Variants in ABLIM2 observed in about 807,000 individuals in gnomAD.
ABLIM2 encodes the protein actin binding LIM protein family member 2.
A neutral mutation model predicts 97.7 loss-of-function variants in ABLIM2; 53 were observed. That is an observed-to-expected ratio of 0.54 (90% CI 0.44 to 0.68). ABLIM2 has a LOEUF of 0.68. Ranked by LOEUF, ABLIM2 falls within the 30% of genes least tolerant of loss-of-function variation. The probability of loss-of-function intolerance (pLI) is 0.00; values close to 1 mark genes in which losing one functional copy is unlikely to be tolerated. For synonymous variants in ABLIM2, 361 were observed against 345.8 expected, an observed-to-expected ratio of 1.04 and a Z score of -0.49; for missense variants, 835 against 867.2, an observed-to-expected ratio of 0.96 and a Z score of 0.47.
At position 8,130,084 on chromosome 4, in the gene ABLIM2, G is replaced by A. The variant is rs1004408866; in HGVS notation, c.11-23447C>T. Among the ~76,000 whole-genome samples, 4 of 152,204 alleles carry A rather than the reference G, an allele frequency of 2.6e-5. No individual in the cohort carries two copies. The highest frequency in any genetic ancestry group is 1.5e-5 in the Non-Finnish European group (1 of 68,030). On this transcript the variant is annotated intron_variant, in intron 1 of 20. Transcript: ENST00000447017. The surrounding 1 kb of genome is among the most constrained non-coding windows in gnomAD (Gnocchi z 4.2). ...AGATTCCCCTGGCCTCCAGCCTGCT[G>A]TTCACCCCTAAGCATCTAGTTTATT...
rs879286681 is a variant in ABLIM2, at chr4:7,998,634, C to T, written c.1619-5707G>A. On this transcript the variant is annotated intron_variant, in intron 16 of 20. Coordinates refer to ENST00000447017, the MANE Select transcript of ABLIM2 (RefSeq NM_001130083.2). This position sits in a 1 kb window ranked among gnomAD's most constrained non-coding sequence, Gnocchi z 6.4. Reference sequence around the variant, plus strand: ...ACCTGCCCATCTGCTAGTGTGGCTGCAGGAGGAAAACACCTGCCTCGTCAC... The same window carrying T: ...ACCTGCCCATCTGCTAGTGTGGCTGTAGGAGGAAAACACCTGCCTCGTCAC... 1.2e-5 allele frequency: 6 copies of T among 507,832 alleles called. No individual in the cohort carries two copies. The highest frequency in any genetic ancestry group is 5.6e-5 in the East Asian group (1 of 17,822). 31.5% of individuals were successfully genotyped at this position (507,832 alleles called of 1,614,324 possible).
intron 20 of ABLIM2, among the ~76,000 whole-genome samples, chr4:7,977,364 A>C (rs994867009): frequency 6.6e-6 from 1 of 152,078 alleles, no homozygotes; most frequent in African/African-American, 2.4e-5. Flanking sequence ...GAATACACAC[A>C]CATACCCACA....
rs1430197617 is a variant in ABLIM2, at chr4:7,970,413, C to T, written c.1825-3310G>A. On this transcript the variant is annotated intron_variant, in intron 20 of 20. Coordinates refer to ENST00000447017, the MANE Select transcript of ABLIM2 (RefSeq NM_001130083.2). This position sits in a 1 kb window ranked among gnomAD's most constrained non-coding sequence, Gnocchi z 5.3. ...AATCGTGTACTTAAAGGGAGGAGGA[C>T]TGGTGAGTGAGTGGTCTCTTGGGTT... 6.6e-6 allele frequency among the ~76,000 whole-genome samples: 1 copy of T among 151,968 alleles called. No homozygotes were observed. Among genetic ancestry groups the T allele is most frequent in the Non-Finnish European group, 1.5e-5 (1 of 67,992 alleles).
rs1014357218 is a variant in ABLIM2, at chr4:8,087,593, A to C, written c.454+576T>G. Among the ~76,000 whole-genome samples the C allele has an allele frequency of 2.6e-5, 4 of 152,154 alleles. No individual in the cohort carries two copies. The highest frequency in any genetic ancestry group is 9.7e-5 in the African/African-American group (4 of 41,422). Reference sequence around the variant, plus strand: ...TAACAGAGGGGAGCTGAGGGGAGTGAATGCCAGAGGGAGAGGACCTGAAGG... The same window carrying C: ...TAACAGAGGGGAGCTGAGGGGAGTGCATGCCAGAGGGAGAGGACCTGAAGG... On this transcript the variant is annotated intron_variant, in intron 4 of 20. Coordinates refer to ENST00000447017, the MANE Select transcript of ABLIM2 (RefSeq NM_001130083.2). The surrounding 1 kb of genome is among the most constrained non-coding windows in gnomAD (Gnocchi z 4.6).
Position 8,040,337 on chromosome 4 carries a change from G to A in ABLIM2, c.901-4042C>T, listed in dbSNP as rs185380094. ...GAGATAAAAAGCAGGGTGGCCAGGC[G>A]CAGTGGCTCACACCTGTACCCCCAG... is the stretch of plus-strand genomic sequence containing the variant. On this transcript the variant is annotated intron_variant, in intron 9 of 20. Transcript: ENST00000447017. Among the ~76,000 whole-genome samples the A allele has an allele frequency of 7.0e-4, 107 of 152,256 alleles. 1 individual carries two copies. The highest frequency in any genetic ancestry group is 2.3e-3 in the African/African-American group (94 of 41,570).
At chr4:8,029,585 C>CAAA (rs1491231540) in intron 11 of ABLIM2, 71 bp downstream of exon 11, 9 of 910,274 alleles carry the variant, frequency 9.9e-6, no homozygotes, top group South Asian at 9.3e-5. Context: ...AAAAAAAAAA[C>CAAA]TAAAAAAAAA....
intron 1 of ABLIM2, among the ~76,000 whole-genome samples, chr4:8,136,822 G>T (rs958142338): frequency 2.0e-5 from 3 of 152,264 alleles, no homozygotes; most frequent in African/African-American, 7.2e-5. Context: ...AGAGCACACA[G>T]CGGGGCCTCC....
chr4:8,014,353 C>T (rs1431090722), intron 14 of ABLIM2, among the ~76,000 whole-genome samples: 5 of 152,274 alleles, frequency 3.3e-5, no homozygotes, highest in South Asian at 2.1e-4. Context: ...GTCTTCCAGA[C>T]TTAGCCTCTA....
intron 1 of ABLIM2, among the ~76,000 whole-genome samples, chr4:8,126,789 G>A (rs1023452583): frequency 4.6e-5 from 7 of 152,004 alleles, no homozygotes; most frequent in African/African-American, 7.2e-5. Flanking sequence ...CCAGATGGCC[G>A]GGCGTGTGGC....
chr4:8,004,729 A>G lies in ABLIM2; in HGVS notation c.1618+3330T>C, dbSNP rs113074581. On this transcript the variant is annotated intron_variant, in intron 16 of 20. Coordinates refer to ENST00000447017, the MANE Select transcript of ABLIM2 (RefSeq NM_001130083.2). This position sits in a 1 kb window ranked among gnomAD's most constrained non-coding sequence, Gnocchi z 5.9. ...CTTGTTCTAGAAAACTTCCTATAAC[A>G]TAAAATCAATAGCCTCCCTTCCTGT... Among the ~76,000 whole-genome samples, 46 of 152,346 alleles carry G rather than the reference A, an allele frequency of 3.0e-4. No homozygotes were observed. Among genetic ancestry groups the G allele is most frequent in the African/African-American group, 1.0e-3 (43 of 41,580 alleles).
At chr4:7,973,270 G>T (rs1361395576) in intron 20 of ABLIM2, among the ~76,000 whole-genome samples, 1 of 152,040 alleles carries the variant, frequency 6.6e-6, no homozygotes, top group South Asian at 2.1e-4. Flanking sequence ...CAGCAGTTTG[G>T]GGGGCTGAGA....
rs933155631 is a variant in ABLIM2, at chr4:7,998,637, G to A, written c.1619-5710C>T. 3.9e-6 allele frequency: 2 copies of A among 509,062 alleles called. No homozygotes were observed. The highest frequency in any genetic ancestry group is 1.9e-5 in the African/African-American group (1 of 51,754). The allele number at this position is 509,062 out of a possible 1,614,324, so 31.5% of individuals were successfully genotyped here. ...TGCCCATCTGCTAGTGTGGCTGCAGGAGGAAAACACCTGCCTCGTCACCTT... is the reference window on the plus strand; with the variant it reads ...TGCCCATCTGCTAGTGTGGCTGCAGAAGGAAAACACCTGCCTCGTCACCTT... On this transcript the variant is annotated intron_variant, in intron 16 of 20. Transcript: ENST00000447017. The surrounding 1 kb of genome is among the most constrained non-coding windows in gnomAD (Gnocchi z 6.4).
At chr4:8,037,783 C>A (rs966954483) in intron 9 of ABLIM2, among the ~76,000 whole-genome samples, 8 of 152,262 alleles carry the variant, frequency 5.3e-5, no homozygotes, top group African/African-American at 1.7e-4. Flanking sequence ...GTCGGGGGCC[C>A]TTCTGTCCTG....
chr4:8,145,243 G>C (rs1851602740), intron 1 of ABLIM2, among the ~76,000 whole-genome samples: 2 of 151,886 alleles, frequency 1.3e-5, no homozygotes, highest in South Asian at 4.2e-4. Flanking sequence ...GAGTGCAGTG[G>C]CATGATCTCA....
intron 4 of ABLIM2, among the ~76,000 whole-genome samples, chr4:8,081,121 A>C (rs1819552838): frequency 6.6e-6 from 1 of 152,062 alleles, no homozygotes; most frequent in African/African-American, 2.4e-5. Flanking sequence ...ACCGAGACGT[A>C]CCAGGTTGAA....
Position 8,071,989 on chromosome 4 carries a change from G to A in ABLIM2, c.675+5639C>T, listed in dbSNP as rs575077465. ...GCGGCGGCGGCAGCTCCCCTTCTGC[G>A]GAGCCAGGCTTGTCCCCGCCCGCAG... On this transcript the variant is annotated intron_variant, in intron 6 of 20. Coordinates refer to ENST00000447017, the MANE Select transcript of ABLIM2 (RefSeq NM_001130083.2). This position sits in a 1 kb window ranked among gnomAD's most constrained non-coding sequence, Gnocchi z 6.2. 4.3e-5 allele frequency: 42 copies of A among 985,484 alleles called. 2 individuals carry two copies. The South Asian group carries it at 1.6e-3, about 36-fold the overall frequency. The allele number at this position is 985,484 out of a possible 1,614,324, so 61.0% of individuals were successfully genotyped here. A position where few individuals can be genotyped will look rare whatever the true frequency, so the allele number is the denominator to read the frequency against.
chr4:8,092,405 T>C (rs1234684449), intron 3 of ABLIM2, among the ~76,000 whole-genome samples: 4 of 152,204 alleles, frequency 2.6e-5, no homozygotes, highest in Non-Finnish European at 5.9e-5. Flanking sequence ...ATGCAAAAAC[T>C]GCTTTCCTTT....
Position 7,992,986 on chromosome 4 carries a change from GC to G in ABLIM2, c.1619-60del. The G allele has an allele frequency of 6.3e-7, 1 of 1,574,860 alleles. No individual in the cohort carries two copies. The highest frequency in any genetic ancestry group is 8.7e-7 in the Non-Finnish European group (1 of 1,151,926). ...GCAGACTCGGTGCAGCAATGGGGGT[GC>G]AGCCCTGGGGGGGCTTCCCACCGGG... On this transcript the variant is annotated intron_variant, in intron 16 of 20. Coordinates refer to ENST00000447017, the MANE Select transcript of ABLIM2 (RefSeq NM_001130083.2). This position sits in a 1 kb window ranked among gnomAD's most constrained non-coding sequence, Gnocchi z 5.7.
Position 8,125,777 on chromosome 4 carries a change from T to C in ABLIM2, c.11-19140A>G, listed in dbSNP as rs1847610929. On this transcript the variant is annotated intron_variant, in intron 1 of 20. Transcript: ENST00000447017. The surrounding 1 kb of genome is among the most constrained non-coding windows in gnomAD (Gnocchi z 6.2). Reference sequence around the variant, plus strand: ...AACTCCATCTGGGACACGGACATCGTCACCTGCTGTCTGCTCTGGGCATCC... The same window carrying C: ...AACTCCATCTGGGACACGGACATCGCCACCTGCTGTCTGCTCTGGGCATCC... Among the ~76,000 whole-genome samples the C allele has an allele frequency of 6.6e-6, 1 of 152,194 alleles. No individual in the cohort carries two copies. The highest frequency in any genetic ancestry group is 1.5e-5 in the Non-Finnish European group (1 of 68,036).
Sources: gnomAD v4.1 joint callset for allele counts (sites outside exome capture counted in the v4.1 genomes callset) on GRCh38, gnomAD v4.1.1 for gene constraint, Gnocchi (gnomAD v3.1) non-coding constraint, MANE v1.5 for transcripts, NCBI Gene and HGNC (gene_info 2026-07-23, HGNC 2026-07-21) for gene names.